PGM2L1: variants seen among roughly 807,000 people sequenced by gnomAD.
The protein encoded by PGM2L1 is phosphoglucomutase 2 like 1, also known as glucose 1,6-bisphosphate synthase.
Under a neutral mutation model 73.4 loss-of-function variants are expected in PGM2L1, and 35 were observed. The ratio of observed to expected loss-of-function variants is 0.48; its 90% CI spans 0.36 to 0.63. PGM2L1 has a LOEUF of 0.63. Among genes scored for constraint, PGM2L1 ranks in the 30% least tolerant of loss-of-function variants. The pLI, the probability that PGM2L1 is intolerant of heterozygous loss-of-function variation, is 0.00. For missense variants in PGM2L1, 570 were observed against 742.0 expected, an observed-to-expected ratio of 0.77 and a Z score of 2.69; for synonymous variants, 225 against 253.8, an observed-to-expected ratio of 0.89 and a Z score of 1.08.
intron 5 of PGM2L1, among the ~76,000 whole-genome samples, chr11:74,365,596 C>A (rs1055505011): frequency 6.6e-6 from 1 of 152,088 alleles, no homozygotes; most frequent in Non-Finnish European, 1.5e-5. Flanking sequence ...ATGCAGCCAA[C>A]AGACACATGA....
intron 6 of PGM2L1, among the ~76,000 whole-genome samples, chr11:74,350,824 C>A (rs770760367): frequency 6.6e-6 from 1 of 151,966 alleles, no homozygotes; most frequent in Non-Finnish European, 1.5e-5. Flanking sequence ...TTGCAGTAAG[C>A]CCAGATCGTG....
chr11:74,383,824 A>AATATATATATATATATATATATAT lies in PGM2L1; in HGVS notation c.112-9243_112-9242insATATATATATATATATATATATAT, dbSNP rs377358856. 7.2e-3 allele frequency among the ~76,000 whole-genome samples: 876 copies of AATATATATATATATATATATATAT among 121,614 alleles called. 22 individuals are homozygous for AATATATATATATATATATATATAT. The highest frequency in any genetic ancestry group is 0.023 in the Middle Eastern group (5 of 214). 79.8% of individuals were successfully genotyped at this position (121,614 alleles called of 152,430 possible). A position where few individuals can be genotyped will look rare whatever the true frequency, so the allele number is the denominator to read the frequency against. On this transcript the variant is annotated intron_variant, in intron 1 of 13. Coordinates refer to ENST00000298198, the MANE Select transcript of PGM2L1 (RefSeq NM_173582.6). ...AGTATTCTATGGAGATATATAAATA[A>AATATATATATATATATATATATAT]ATATATATATATATATATAACATTT...
At chr11:74,367,388 T>C (rs531688580) in intron 5 of PGM2L1, among the ~76,000 whole-genome samples, 29 of 152,146 alleles carry the variant, frequency 1.9e-4, no homozygotes, top group African/African-American at 7.0e-4. Context: ...ATGACACCAA[T>C]CTCGTTTAGT....
Position 74,384,143 on chromosome 11 carries a change from C to T in PGM2L1, c.112-9561G>A, listed in dbSNP as rs985381759. ...TTTTACTCCCCCACTCCCCCCGCAT[C>T]CTTTTGTCATTCCATGCTTTGTTCT... On this transcript the variant is annotated intron_variant, in intron 1 of 13. Coordinates refer to ENST00000298198, the MANE Select transcript of PGM2L1 (RefSeq NM_173582.6). Among the ~76,000 whole-genome samples, 7 of 151,920 alleles carry T rather than the reference C, an allele frequency of 4.6e-5. No individual in the cohort carries two copies. The South Asian group carries it at 8.3e-4, about 18-fold the overall frequency.
At position 74,391,393 on chromosome 11, in the gene PGM2L1, C is replaced by G. The variant is rs376697053; in HGVS notation, c.111+6658G>C. 3.6e-4 allele frequency among the ~76,000 whole-genome samples: 55 copies of G among 152,232 alleles called. 1 individual carries two copies. The South Asian group carries it at 0.011, about 31-fold the overall frequency. ...GTGTGGATCAGTACACTATTTTCAT[C>G]TAGGATTTCTTTACATTGGATTTCT... On this transcript the variant is annotated intron_variant, in intron 1 of 13. Transcript: ENST00000298198.
intron 5 of PGM2L1, chr11:74,355,860 A>G (rs936609624): frequency 4.7e-6 from 2 of 424,330 alleles, no homozygotes; most frequent in Non-Finnish European, 9.4e-6. Flanking sequence ...CATATTTTAG[A>G]CAAATACTCA....
intron 5 of PGM2L1, chr11:74,354,755 A>C (rs1314683808): frequency 4.7e-6 from 5 of 1,055,238 alleles, no homozygotes; most frequent in Non-Finnish European, 7.3e-6. Flanking sequence ...TTAACTGTGA[A>C]AAAGCTATTT....
chr11:74,376,696 A>C (rs1862859909), intron 1 of PGM2L1, among the ~76,000 whole-genome samples: 1 of 152,126 alleles, frequency 6.6e-6, no homozygotes, highest in African/African-American at 2.4e-5. Context: ...GTTTAACTGC[A>C]CAGCTACTAG....
chr11:74,394,139 C>A (rs149100699), intron 1 of PGM2L1, among the ~76,000 whole-genome samples: 1 of 152,232 alleles, frequency 6.6e-6, no homozygotes, highest in Non-Finnish European at 1.5e-5. Context: ...GAGATGTGTG[C>A]ATTTACTTAT....
chr11:74,394,297 T>C (rs887354984), intron 1 of PGM2L1, among the ~76,000 whole-genome samples: 1 of 152,248 alleles, frequency 6.6e-6, no homozygotes, highest in Non-Finnish European at 1.5e-5. Flanking sequence ...CTATTACATC[T>C]GTACCATACA....
At chr11:74,365,905 A>AT (rs1296897723) in intron 5 of PGM2L1, among the ~76,000 whole-genome samples, 1 of 152,230 alleles carries the variant, frequency 6.6e-6, no homozygotes, top group African/African-American at 2.4e-5. Flanking sequence ...ATAAAGGCAC[A>AT]TGCACACGTA....
chr11:74,388,885 T>C (rs898481781), intron 1 of PGM2L1, among the ~76,000 whole-genome samples: 1 of 152,200 alleles, frequency 6.6e-6, no homozygotes, highest in Non-Finnish European at 1.5e-5. Context: ...TTAGTAGTAA[T>C]GCAGACCACA....
rs541536563 is a variant in PGM2L1, at chr11:74,387,486, A to C, written c.111+10565T>G. On this transcript the variant is annotated intron_variant, in intron 1 of 13. Transcript: ENST00000298198. ...TAAACACTAGTTTTCCTTCACCTAT[A>C]CTTACTCACCATAGTAGCACAATAC... Among the ~76,000 whole-genome samples the C allele has an allele frequency of 9.2e-5, 14 of 152,240 alleles. No homozygotes were observed. In the South Asian group the frequency reaches 2.9e-3, roughly 32 times the overall value.
At chr11:74,398,010 G>C in intron 1 of PGM2L1, 41 bp downstream of exon 1, 3 of 1,567,936 alleles carry the variant, frequency 1.9e-6, no homozygotes, top group Non-Finnish European at 1.7e-6. Flanking sequence ...CAGACTGTGT[G>C]GGGGAGGCGA....
At position 74,342,896 on chromosome 11, in the gene PGM2L1, C is replaced by T. The variant is rs370524662; in HGVS notation, c.1431G>A (p.Lys477=). Reference sequence around the variant, plus strand: ...ATAGTAGAACTTACTTTTCATAAACCTTAACCAGTTGCTGTTTCAATGTTA... The same window carrying T: ...ATAGTAGAACTTACTTTTCATAAACTTTAACCAGTTGCTGTTTCAATGTTA... The part of the protein sequence containing the change: ...MNITLKQQLV[K]VYEKYGYHIS... The change falls in exon 11 of 14, where the codon AAG becomes AAA. Residue 477 remains lysine, a synonymous_variant. Transcript: ENST00000298198. The T allele has an allele frequency of 6.2e-6, 10 of 1,600,438 alleles. No homozygotes were observed. In the African/African-American group the frequency reaches 1.4e-4, roughly 22 times the overall value.
intron 5 of PGM2L1, among the ~76,000 whole-genome samples, chr11:74,359,300 CAG>C (rs959761454): frequency 1.3e-5 from 2 of 151,054 alleles, no homozygotes; most frequent in African/African-American, 4.9e-5. Flanking sequence ...TTTTTTGAAA[CAG>C]AGTTTCACTC....
chr11:74,341,219 C>G (rs41349744), intron 12 of PGM2L1, among the ~76,000 whole-genome samples: 4,753 of 152,202 alleles, frequency 0.031, 118 homozygotes, highest in African/African-American at 0.067. Flanking sequence ...AGTTAGCAGA[C>G]TGAAAAATGC....
At chr11:74,381,569 G>C (rs1472684689) in intron 1 of PGM2L1, among the ~76,000 whole-genome samples, 1 of 100,700 alleles carries the variant, frequency 9.9e-6, no homozygotes, top group Admixed American at 1.2e-4. Flanking sequence ...TTGTGTTTTT[G>C]TCTTTTTTTT....
chr11:74,383,816 T>TACAA (rs1862982150), intron 1 of PGM2L1, among the ~76,000 whole-genome samples: 4 of 106,192 alleles, frequency 3.8e-5, no homozygotes, highest in Admixed American at 1.0e-4. Flanking sequence ...TATGGAGATA[T>TACAA]ATAAATAAAT....
Sources: gnomAD v4.1 joint callset for allele counts (sites outside exome capture counted in the v4.1 genomes callset) on GRCh38, gnomAD v4.1.1 for gene constraint, MANE v1.5 for transcripts, NCBI Gene and HGNC (gene_info 2026-07-23, HGNC 2026-07-21) for gene names.